SCAF8: variants seen among roughly 807,000 people sequenced by gnomAD.
The protein encoded by SCAF8 is SR-related CTD associated factor 8.
SCAF8 carries 23 observed loss-of-function variants against 140.5 expected under a neutral mutation model. That is an observed-to-expected ratio of 0.16 (90% CI 0.12 to 0.23). SCAF8 has a LOEUF of 0.23. Among genes scored for constraint, SCAF8 ranks in the 10% least tolerant of loss-of-function variants. The pLI is 1.00. For missense variants in SCAF8, 1,397 were observed against 1,555.7 expected (o/e 0.90, Z 1.72); for synonymous variants, 575 against 528.9 (o/e 1.09, Z -1.20).
At chr6:154,781,498 C>A (rs186809346) in intron 3 of SCAF8, among the ~76,000 whole-genome samples, 1 of 152,134 alleles carries the variant, frequency 6.6e-6, no homozygotes, top group African/African-American at 2.4e-5. Context: ...CTTTAAATTT[C>A]ACATGGAATA....
intron 15 of SCAF8, 68 bp downstream of exon 15, chr6:154,820,401 T>A (rs1465762924): frequency 4.5e-6 from 6 of 1,340,834 alleles, no homozygotes; most frequent in Non-Finnish European, 6.2e-6. Flanking sequence ...TGAAGTGAAT[T>A]TGGGATGACA....
At chr6:154,741,981 C>T (rs1028527144) in intron 1 of SCAF8, 12 of 1,533,840 alleles carry the variant, frequency 7.8e-6, no homozygotes, top group Middle Eastern at 1.7e-4. Flanking sequence ...CCTGCTTGTA[C>T]AGACTGCTTT....
At chr6:154,828,535 G>T (rs1394876550) in intron 18 of SCAF8, among the ~76,000 whole-genome samples, 2 of 151,414 alleles carry the variant, frequency 1.3e-5, no homozygotes, top group Non-Finnish European at 2.9e-5. Context: ...TTTTTTTGAA[G>T]TGTAGATTGT....
At chr6:154,809,671 T>C (rs1288240596) in intron 11 of SCAF8, among the ~76,000 whole-genome samples, 1 of 152,204 alleles carries the variant, frequency 6.6e-6, no homozygotes, top group Non-Finnish European at 1.5e-5. Context: ...GCTCTGACAC[T>C]TAAATGGTCT....
rs562718233 is a variant in SCAF8 at position 154,741,951 on chromosome 6, C to G, written c.30+8021C>G. On this transcript the variant is annotated intron_variant, in intron 1 of 19. Coordinates refer to ENST00000367178, the MANE Select transcript of SCAF8 (RefSeq NM_014892.5). Reference sequence around the variant, plus strand: ...TCAACATCTTTCTCTACTCCTCTCTCTCAGGATTGTGCCTCTACTCCTGCT... The same window carrying G: ...TCAACATCTTTCTCTACTCCTCTCTGTCAGGATTGTGCCTCTACTCCTGCT... 7 of 1,529,354 alleles carry G rather than the reference C, an allele frequency of 4.6e-6. No individual in the cohort carries two copies. The African/African-American group carries it at 6.9e-5, about 15-fold the overall frequency. The allele number at this position is 1,529,354 out of a possible 1,614,324, so 94.7% of individuals were successfully genotyped here. A position where few individuals can be genotyped will look rare whatever the true frequency, so the allele number is the denominator to read the frequency against.
intron 4 of SCAF8, among the ~76,000 whole-genome samples, chr6:154,788,970 G>A (rs185806288): frequency 7.2e-4 from 109 of 152,116 alleles, no homozygotes; most frequent in South Asian, 3.3e-3. Flanking sequence ...TTTTATGGAA[G>A]AACCACAAAA....
intron 12 of SCAF8, among the ~76,000 whole-genome samples, chr6:154,810,409 T>C (rs1428560213): frequency 1.3e-5 from 2 of 152,150 alleles, no homozygotes; most frequent in East Asian, 1.9e-4. Flanking sequence ...ACCAAGGTCA[T>C]TGAGGGTTGA....
At chr6:154,737,298 A>G (rs1183786153) in intron 1 of SCAF8, among the ~76,000 whole-genome samples, 1 of 152,230 alleles carries the variant, frequency 6.6e-6, no homozygotes, top group African/African-American at 2.4e-5. Context: ...TGTCAATTCC[A>G]TTTGCTTTGT....
At position 154,766,952 on chromosome 6, in the gene SCAF8, C is replaced by T. The variant is rs1416381893; in HGVS notation, c.31-7037C>T. 6.6e-5 allele frequency among the ~76,000 whole-genome samples: 10 copies of T among 152,026 alleles called. No homozygotes were observed. In the South Asian group the frequency reaches 1.9e-3, roughly 28 times the overall value. On this transcript the variant is annotated intron_variant, in intron 1 of 19. Coordinates refer to ENST00000367178, the MANE Select transcript of SCAF8 (RefSeq NM_014892.5). Reference sequence around the variant, plus strand: ...AATGAGCCTTAAAGGTCCTTATGACCCCCAGATCTAGAGGCTGAATTAAGA... The same window carrying T: ...AATGAGCCTTAAAGGTCCTTATGACTCCCAGATCTAGAGGCTGAATTAAGA...
intron 3 of SCAF8, among the ~76,000 whole-genome samples, chr6:154,785,782 T>C (rs565075808): frequency 6.6e-6 from 1 of 152,204 alleles, no homozygotes; most frequent in East Asian, 1.9e-4. Flanking sequence ...AGATGACAAC[T>C]TGGATGACAA....
chr6:154,794,775 T>TGG (rs1562449798), intron 5 of SCAF8, among the ~76,000 whole-genome samples: 4 of 6,706 alleles, frequency 6.0e-4, no homozygotes, highest in Non-Finnish European at 9.8e-4. Flanking sequence ...GGGGGGGGTG[T>TGG]GGGGGGTGTG....
Position 154,793,370 on chromosome 6 carries a change from C to T in SCAF8, c.475+394C>T, listed in dbSNP as rs1404820172. The stretch of plus-strand genomic sequence containing the variant: ...TTTAACAAAACCAAAATTTCAAAAT[C>T]GTGTTCTCTTGAGGCATTTAAATGA... On this transcript the variant is annotated intron_variant, in intron 5 of 19. Transcript: ENST00000367178. Among the ~76,000 whole-genome samples the T allele has an allele frequency of 3.3e-5, 5 of 151,646 alleles. No homozygotes were observed. In the East Asian group the frequency reaches 9.7e-4, roughly 29 times the overall value.
intron 15 of SCAF8, 74 bp downstream of exon 15, chr6:154,820,407 T>C: frequency 7.9e-7 from 1 of 1,263,206 alleles, no homozygotes; most frequent in Non-Finnish European, 1.1e-6. Context: ...GAATTTGGGA[T>C]GACAGCGTTA....
At chr6:154,831,193 GT>G in intron 19 of SCAF8, 53 bp downstream of exon 19, 1 of 1,133,236 alleles carries the variant, frequency 8.8e-7, no homozygotes, top group Non-Finnish European at 1.2e-6. Context: ...TGTATTTGGT[GT>G]TTAATTCTGG....
Position 154,775,632 on chromosome 6 carries a change from C to T in SCAF8, c.114+1560C>T, listed in dbSNP as rs774675859. Reference sequence around the variant, plus strand: ...AGTCAAGAGTCTAACTCTTTGGACACAGTGGGACACATCGTTAGTCCTAGC... The same window carrying T: ...AGTCAAGAGTCTAACTCTTTGGACATAGTGGGACACATCGTTAGTCCTAGC... On this transcript the variant is annotated intron_variant, in intron 2 of 19. Transcript: ENST00000367178. 1.4e-4 allele frequency among the ~76,000 whole-genome samples: 21 copies of T among 152,232 alleles called. No individual in the cohort carries two copies. In the South Asian group the frequency reaches 1.7e-3, roughly 12 times the overall value.
chr6:154,754,242 T>C (rs1778910571), intron 1 of SCAF8, among the ~76,000 whole-genome samples: 1 of 152,264 alleles, frequency 6.6e-6, no homozygotes, highest in African/African-American at 2.4e-5. Flanking sequence ...CATGTTTAAA[T>C]GCAGTTTATT....
intron 5 of SCAF8, among the ~76,000 whole-genome samples, chr6:154,793,453 A>T (rs1382888284): frequency 2.6e-5 from 4 of 151,758 alleles, no homozygotes; most frequent in African/African-American, 9.7e-5. Flanking sequence ...TTTTATGAAA[A>T]AATTTTTTTC....
chr6:154,769,191 A>G (rs917680576), intron 1 of SCAF8, among the ~76,000 whole-genome samples: 4 of 152,178 alleles, frequency 2.6e-5, no homozygotes, highest in Non-Finnish European at 5.9e-5. Context: ...TTCCTTGAAT[A>G]GTAACTTGAG....
chr6:154,777,265 T>C (rs1583025155), intron 2 of SCAF8, among the ~76,000 whole-genome samples: 1 of 152,210 alleles, frequency 6.6e-6, no homozygotes, highest in South Asian at 2.1e-4. Context: ...GTATTGTTAT[T>C]GTGGCATTAA....
Sources: gnomAD v4.1 joint callset for allele counts (sites outside exome capture counted in the v4.1 genomes callset) on GRCh38, gnomAD v4.1.1 for gene constraint, MANE v1.5 for transcripts, NCBI Gene and HGNC (gene_info 2026-07-23, HGNC 2026-07-21) for gene names.